The following PTPRM variants were observed in gnomAD, a reference collection of about 807,000 sequenced individuals.
PTPRM encodes the protein protein tyrosine phosphatase receptor type M.
PTPRM carries 47 observed loss-of-function variants against 186.7 expected under a neutral mutation model. The observed-to-expected ratio is 0.25, with a 90% CI of 0.20 to 0.32. The LOEUF is 0.32. Ranked by LOEUF, PTPRM falls within the 10% of genes least tolerant of loss-of-function variation. PTPRM has a pLI of 1.00. For missense variants in PTPRM, 1,494 were observed against 1,865.0 expected, an observed-to-expected ratio of 0.80 and a Z score of 3.66; for synonymous variants, 668 against 674.9, an observed-to-expected ratio of 0.99 and a Z score of 0.16.
In PTPRM at chr18:7,567,858, C is replaced by T; in HGVS notation, c.40C>T (p.Leu14Phe). 6.4e-7 allele frequency: 1 copy of T among 1,563,164 alleles called. No homozygotes were observed. The highest frequency in any genetic ancestry group is 1.4e-5 in the African/African-American group (1 of 70,564). The change falls in exon 1 of 33, where the codon CTT becomes TTT. Residue 14 changes from leucine (L) to phenylalanine (F), a missense_variant. By Grantham distance (22) the Leu-to-Phe change is conservative. This residue lies in a region of PTPRM where 296 missense variants were observed against 345.5 expected (regional missense o/e 0.86). Coordinates refer to ENST00000580170, the MANE Select transcript of PTPRM (RefSeq NM_001105244.2). This position sits in a 1 kb window ranked among gnomAD's most constrained non-coding sequence, Gnocchi z 4.3. Reference protein sequence around the residue: ...LGTCLATLAGLLLTAAGETFS... With the variant: ...LGTCLATLAGFLLTAAGETFS... ...GACTTGCCTGGCGACTTTGGCCGGA[C>T]TTTTGCTAACTGCGGCGGGCGAGAC...
intron 1 of PTPRM, among the ~76,000 whole-genome samples, chr18:7,651,851 T>G (rs1483541226): frequency 1.3e-5 from 2 of 152,016 alleles, no homozygotes; most frequent in Admixed American, 1.3e-4. Context: ...GGCAAGGACT[T>G]CATGTCTAAA....
At chr18:7,721,141 CT>C (rs71165750) in intron 1 of PTPRM, among the ~76,000 whole-genome samples, 14,732 of 145,166 alleles carry the variant, frequency 0.1, 998 homozygotes, top group African/African-American at 0.2. Context: ...TTATTATTTT[CT>C]TTTTTTTTTT....
In PTPRM at chr18:8,279,504, G is replaced by A. The variant is rs533027527; in HGVS notation, c.2755-16864G>A. 2.0e-5 allele frequency among the ~76,000 whole-genome samples: 3 copies of A among 152,252 alleles called. No homozygotes were observed. The East Asian group carries it at 5.8e-4, about 29-fold the overall frequency. ...ACAGCCGGAGTAAGCTCCCTGGACTGCATTTTCTTTCACTTGACGCTGTGT... is the reference window on the plus strand; with the variant it reads ...ACAGCCGGAGTAAGCTCCCTGGACTACATTTTCTTTCACTTGACGCTGTGT... On this transcript the variant is annotated intron_variant, in intron 19 of 32. Coordinates refer to ENST00000580170, the MANE Select transcript of PTPRM (RefSeq NM_001105244.2).
chr18:7,622,464 A>G (rs1290495619), intron 1 of PTPRM, among the ~76,000 whole-genome samples: 1 of 151,808 alleles, frequency 6.6e-6, no homozygotes, highest in African/African-American at 2.4e-5. Flanking sequence ...GGACTCCCTT[A>G]TTTACCTGTT....
At chr18:7,663,599 T>C (rs966058723) in intron 1 of PTPRM, among the ~76,000 whole-genome samples, 7 of 152,204 alleles carry the variant, frequency 4.6e-5, no homozygotes, top group African/African-American at 1.4e-4. Flanking sequence ...GGAAGGCTTG[T>C]CTCAGCTTCA....
At chr18:7,763,086 C>A (rs574827376) in intron 1 of PTPRM, among the ~76,000 whole-genome samples, 1 of 152,290 alleles carries the variant, frequency 6.6e-6, no homozygotes, top group East Asian at 1.9e-4. Context: ...GGGTGGGAGA[C>A]CAGCATAATG....
intron 7 of PTPRM, among the ~76,000 whole-genome samples, chr18:8,003,380 T>A (rs1376520213): frequency 3.9e-5 from 6 of 152,248 alleles, no homozygotes; most frequent in Non-Finnish European, 8.8e-5. Context: ...CTTTCTTTTA[T>A]AAATTACCCA....
At chr18:8,154,371 A>G (rs722022) in intron 14 of PTPRM, among the ~76,000 whole-genome samples, 6,162 of 152,252 alleles carry the variant, frequency 0.04, 271 homozygotes, top group African/African-American at 0.11. Context: ...GTCCACCTCA[A>G]ATATGTGCTG....
At chr18:8,191,728 G>A (rs980842807) in intron 14 of PTPRM, among the ~76,000 whole-genome samples, 1 of 152,104 alleles carries the variant, frequency 6.6e-6, no homozygotes, top group Non-Finnish European at 1.5e-5. Flanking sequence ...AGGGAATAAA[G>A]GTGAGAGCTG....
chr18:7,750,057 C>T (rs1340132911), intron 1 of PTPRM, among the ~76,000 whole-genome samples: 1 of 152,160 alleles, frequency 6.6e-6, no homozygotes, highest in East Asian at 1.9e-4. Flanking sequence ...TGGTATTCTA[C>T]TTGATAAGGG....
chr18:7,956,586 C>T (rs2053327067), intron 7 of PTPRM, among the ~76,000 whole-genome samples: 1 of 152,226 alleles, frequency 6.6e-6, no homozygotes, highest in East Asian at 1.9e-4. Context: ...TCAGACCCCA[C>T]ATCTGTATCC....
intron 2 of PTPRM, among the ~76,000 whole-genome samples, chr18:7,843,310 A>G (rs1191235081): frequency 6.6e-6 from 1 of 152,132 alleles, no homozygotes; most frequent in Non-Finnish European, 1.5e-5. Context: ...CTCCATTGTT[A>G]AGCAGCTGGC....
chr18:8,098,362 A>C (rs986759492), intron 11 of PTPRM, among the ~76,000 whole-genome samples: 1 of 152,178 alleles, frequency 6.6e-6, no homozygotes, highest in Non-Finnish European at 1.5e-5. Context: ...CCTCTAACCT[A>C]ATTAAGAGTG....
rs569144036 is a variant in PTPRM, at chr18:8,232,534, C to CT, written c.2301-11516dup. Among the ~76,000 whole-genome samples the CT allele has an allele frequency of 7.1e-4, 108 of 152,082 alleles. 2 individuals carry two copies. The highest frequency in any genetic ancestry group is 3.7e-4 in the Non-Finnish European group (25 of 67,982). On this transcript the variant is annotated intron_variant, in intron 14 of 32. Transcript: ENST00000580170. ...TGTAGGAAACTGACAAACTGTTTTT[C>CT]TTTTTTTTGAGATGGAGTCTCACTC...
At chr18:8,240,925 G>A (rs1438530853) in intron 14 of PTPRM, among the ~76,000 whole-genome samples, 1 of 152,182 alleles carries the variant, frequency 6.6e-6, no homozygotes, top group Non-Finnish European at 1.5e-5. Context: ...TACAGCATGT[G>A]CTCACTTTCT....
intron 14 of PTPRM, among the ~76,000 whole-genome samples, chr18:8,206,481 C>T (rs1306685883): frequency 6.6e-6 from 1 of 152,024 alleles, no homozygotes; most frequent in Non-Finnish European, 1.5e-5. Flanking sequence ...ATCTCCTGAC[C>T]TCATCATCTG....
chr18:7,921,381 A>ATTT (rs368367424), intron 4 of PTPRM, among the ~76,000 whole-genome samples: 2 of 136,112 alleles, frequency 1.5e-5, no homozygotes, highest in East Asian at 2.2e-4. Context: ...CCTCTAATGA[A>ATTT]TTTTTTTTTT....
At chr18:7,662,752 G>A (rs888159013) in intron 1 of PTPRM, among the ~76,000 whole-genome samples, 5 of 152,132 alleles carry the variant, frequency 3.3e-5, no homozygotes, top group African/African-American at 9.7e-5. Flanking sequence ...TTCACGTGAT[G>A]TATACCCCGT....
chr18:8,085,408 C>A (rs1303830297), intron 9 of PTPRM, among the ~76,000 whole-genome samples: 1 of 152,118 alleles, frequency 6.6e-6, no homozygotes, highest in African/African-American at 2.4e-5. Context: ...TGAAAGCAAA[C>A]AACTTCAAAG....
Sources: allele counts gnomAD v4.1 joint callset (sites outside exome capture counted in the v4.1 genomes callset), GRCh38; gene constraint gnomAD v4.1.1; regional missense constraint gnomAD v4.1.1; non-coding constraint Gnocchi (gnomAD v3.1); transcripts MANE v1.5; gene names NCBI Gene and HGNC (gene_info 2026-07-23, HGNC 2026-07-21).